BCAS3: variants seen among roughly 807,000 people sequenced by gnomAD.
BCAS3 encodes BCAS3 microtubule associated cell migration factor, also known as BCAS4/BCAS3 fusion.
In BCAS3, 53 loss-of-function variants were observed where a neutral mutation model predicts 116.1. The ratio of observed to expected loss-of-function variants is 0.46; its 90% CI spans 0.37 to 0.57. BCAS3 has a LOEUF of 0.57. BCAS3 is among the 20% of genes least tolerant of loss of function. BCAS3 has a pLI of 0.00. For synonymous variants in BCAS3, 391 were observed against 408.2 expected (o/e 0.96, Z 0.51); for missense variants, 917 against 1,165.4 (o/e 0.79, Z 3.10).
intron 19 of BCAS3, among the ~76,000 whole-genome samples, chr17:61,054,218 G>A (rs1280651614): frequency 6.6e-6 from 1 of 152,174 alleles, no homozygotes; most frequent in South Asian, 2.1e-4. Flanking sequence ...GTCTCGAGAT[G>A]TTTCAACATT....
In BCAS3 at chr17:61,344,866, C is replaced by T. The variant is rs1568903894; in HGVS notation, c.2426-23461C>T. On this transcript the variant is annotated intron_variant, in intron 22 of 23. Transcript: ENST00000407086. This position sits in a 1 kb window ranked among gnomAD's most constrained non-coding sequence, Gnocchi z 4.1. ...GCGAGGAGTTGCAATGTCACTCCAG[C>T]CCCTTGTTTGCCACCATGGACAGGT... Among the ~76,000 whole-genome samples the T allele has an allele frequency of 6.6e-6, 1 of 151,960 alleles. No individual in the cohort carries two copies. Among genetic ancestry groups the T allele is most frequent in the Non-Finnish European group, 1.5e-5 (1 of 67,978 alleles).
intron 22 of BCAS3, among the ~76,000 whole-genome samples, chr17:61,101,473 T>A (rs753525238): frequency 1.3e-5 from 2 of 152,178 alleles, no homozygotes; most frequent in Non-Finnish European, 2.9e-5. Context: ...GCAAAGTGAT[T>A]ATATTTCCCT....
At chr17:60,811,011 C>G (rs2048760790) in intron 7 of BCAS3, 1 of 664,242 alleles carries the variant, frequency 1.5e-6, no homozygotes, top group South Asian at 1.4e-5. Flanking sequence ...CCACAGTGGT[C>G]ACCATGCAGT....
At chr17:61,066,040 C>G (rs753032046) in intron 19 of BCAS3, among the ~76,000 whole-genome samples, 1 of 152,256 alleles carries the variant, frequency 6.6e-6, no homozygotes, top group Middle Eastern at 3.4e-3. Context: ...ACATATAAAA[C>G]TAGGTACCAT....
chr17:61,000,990 TAGAA>T (rs1477189423), intron 15 of BCAS3, among the ~76,000 whole-genome samples: 1 of 152,198 alleles, frequency 6.6e-6, no homozygotes, highest in Non-Finnish European at 1.5e-5. Flanking sequence ...TCATGGGACT[TAGAA>T]GGAATTTGTT....
intron 14 of BCAS3, among the ~76,000 whole-genome samples, chr17:60,977,955 T>G (rs145585174): frequency 0.016 from 2,257 of 141,616 alleles, 94 homozygotes; most frequent in African/African-American, 0.067. Context: ...AATGCCTCAA[T>G]AAAAATACAT....
chr17:60,944,945 C>G (rs1419837674), intron 13 of BCAS3, among the ~76,000 whole-genome samples: 2 of 152,108 alleles, frequency 1.3e-5, no homozygotes, highest in African/African-American at 4.8e-5. Flanking sequence ...CTTCCTATTT[C>G]TGCTTGCCTC....
chr17:61,363,231 C>G lies in BCAS3; in HGVS notation c.2426-5096C>G, dbSNP rs1367593745. Among the ~76,000 whole-genome samples, 1 of 152,220 alleles carries G rather than the reference C, an allele frequency of 6.6e-6. No homozygotes were observed. Among genetic ancestry groups the G allele is most frequent in the Non-Finnish European group, 1.5e-5 (1 of 68,038 alleles). ...AATTGCCCGCATAATTTTATGTATG[C>G]AAGCACACATTTTTTGAGTAAGTGC... On this transcript the variant is annotated intron_variant, in intron 22 of 23. Transcript: ENST00000407086. The surrounding 1 kb of genome is among the most constrained non-coding windows in gnomAD (Gnocchi z 4.9).
At position 61,332,102 on chromosome 17, in the gene BCAS3, CAG is replaced by C. The variant is rs2056340979; in HGVS notation, c.2426-36220_2426-36219del. ...AGGGCGAGGCTGCCTCAGACAAGTG[CAG>C]AGAGTTGCCACCCAGCCCGCCGGGC... On this transcript the variant is annotated intron_variant, in intron 22 of 23. Transcript: ENST00000407086. The surrounding 1 kb of genome is among the most constrained non-coding windows in gnomAD (Gnocchi z 5.4). Among the ~76,000 whole-genome samples the C allele has an allele frequency of 1.3e-5, 2 of 152,192 alleles. No individual in the cohort carries two copies. The highest frequency in any genetic ancestry group is 2.9e-5 in the Non-Finnish European group (2 of 68,036).
At chr17:61,061,564 A>G (rs2070040234) in intron 19 of BCAS3, among the ~76,000 whole-genome samples, 1 of 152,236 alleles carries the variant, frequency 6.6e-6, no homozygotes, top group Non-Finnish European at 1.5e-5. Context: ...ATTACTGCAC[A>G]CAATTTAATG....
rs145384812 is a variant in BCAS3 at position 60,971,338 on chromosome 17, A to AAT, written c.1222-18631_1222-18630dup. 8.5e-3 allele frequency among the ~76,000 whole-genome samples: 1,295 copies of AAT among 152,264 alleles called. 5 individuals are homozygous for AAT. Among genetic ancestry groups the AAT allele is most frequent in the Non-Finnish European group, 0.013 (861 of 68,018 alleles). On this transcript the variant is annotated intron_variant, in intron 14 of 23. Transcript: ENST00000407086. Reference sequence around the variant, plus strand: ...GAACTTTTTCTTTAAAGGACCAGATAATAAGTATCTTTGACTCTGCATTCC... The same window carrying AAT: ...GAACTTTTTCTTTAAAGGACCAGATAATATAAGTATCTTTGACTCTGCATTCC...
chr17:61,018,092 A>T (rs986086960), intron 16 of BCAS3, among the ~76,000 whole-genome samples: 11 of 152,104 alleles, frequency 7.2e-5, no homozygotes, highest in Non-Finnish European at 1.2e-4. Flanking sequence ...TAGGCTTTGT[A>T]TCTCAATTTA....
chr17:60,921,561 C>T (rs1422312164), intron 12 of BCAS3, among the ~76,000 whole-genome samples: 3 of 144,122 alleles, frequency 2.1e-5, no homozygotes, highest in African/African-American at 7.6e-5. Context: ...TGCAGTGAGC[C>T]GAGATCCCGC....
At chr17:61,115,319 G>C (rs1376762828) in intron 22 of BCAS3, among the ~76,000 whole-genome samples, 1 of 152,058 alleles carries the variant, frequency 6.6e-6, no homozygotes, top group Non-Finnish European at 1.5e-5. Context: ...CAAAATTGGA[G>C]AAAATTTTTG....
At chr17:61,340,510 C>G (rs1395249859) in intron 22 of BCAS3, among the ~76,000 whole-genome samples, 1 of 152,066 alleles carries the variant, frequency 6.6e-6, no homozygotes, top group Non-Finnish European at 1.5e-5. Flanking sequence ...AGAGTGAATG[C>G]GCTCAGGAAA....
At chr17:61,174,041 A>T (rs1411064402) in intron 22 of BCAS3, among the ~76,000 whole-genome samples, 1 of 152,234 alleles carries the variant, frequency 6.6e-6, no homozygotes, top group African/African-American at 2.4e-5. Flanking sequence ...AGTTCCTCTA[A>T]TGATACTATT....
intron 22 of BCAS3, among the ~76,000 whole-genome samples, chr17:61,102,583 C>G (rs1020529217): frequency 1.3e-5 from 2 of 152,118 alleles, no homozygotes; most frequent in African/African-American, 4.8e-5. Flanking sequence ...TTGTCATGAA[C>G]ATGTTTTACA....
At chr17:61,338,066 G>A (rs549179966) in intron 22 of BCAS3, among the ~76,000 whole-genome samples, 2 of 152,266 alleles carry the variant, frequency 1.3e-5, no homozygotes, top group South Asian at 4.1e-4. Flanking sequence ...CTAACCCTGG[G>A]CCCGGCTTAT....
intron 3 of BCAS3, among the ~76,000 whole-genome samples, chr17:60,686,006 A>C (rs1312462189): frequency 6.6e-6 from 1 of 151,106 alleles, no homozygotes; most frequent in South Asian, 2.1e-4. Context: ...AGTAGCTGGG[A>C]CTACAGGCGC....
Sources: allele counts gnomAD v4.1 joint callset (sites outside exome capture counted in the v4.1 genomes callset), GRCh38; gene constraint gnomAD v4.1.1; non-coding constraint Gnocchi (gnomAD v3.1); transcripts MANE v1.5; gene names NCBI Gene and HGNC (gene_info 2026-07-23, HGNC 2026-07-21).